AZIN1: variants seen among roughly 807,000 people sequenced by gnomAD.
The protein encoded by AZIN1 is antizyme inhibitor 1, also known as ornithine decarboxylase antizyme inhibitor.
Under a neutral mutation model 47.4 loss-of-function variants are expected in AZIN1, and 12 were observed. That is an observed-to-expected ratio of 0.25 (90% CI 0.16 to 0.41). The LOEUF is 0.41. Ranked by LOEUF, AZIN1 falls within the 10% of genes least tolerant of loss-of-function variation. The probability of loss-of-function intolerance (pLI) is 1.00; values close to 1 mark genes in which losing one functional copy is unlikely to be tolerated. For synonymous variants in AZIN1, 155 were observed against 176.3 expected (o/e 0.88, Z 0.96); for missense variants, 410 against 532.4 (o/e 0.77, Z 2.26).
chr8:102,837,851 A>C (rs1811919300), intron 5 of AZIN1, among the ~76,000 whole-genome samples: 1 of 152,256 alleles, frequency 6.6e-6, no homozygotes, highest in Non-Finnish European at 1.5e-5. Context: ...TGCATAATTC[A>C]ATATGCTTTT....
chr8:102,833,006 A>G, intron 9 of AZIN1, 50 bp downstream of exon 9: 2 of 1,480,496 alleles, frequency 1.4e-6, no homozygotes, highest in Non-Finnish European at 1.9e-6. Flanking sequence ...TTTCCAGACT[A>G]ACTGCAATTA....
At chr8:102,838,993 C>G in intron 4 of AZIN1, 77 bp from the exon 5 acceptor site, 1 of 1,297,492 alleles carries the variant, frequency 7.7e-7, no homozygotes, top group South Asian at 1.5e-5. Flanking sequence ...AATACTATTA[C>G]CCCCACCCCT....
At chr8:102,832,881 C>T (rs191380289) in intron 9 of AZIN1, among the ~76,000 whole-genome samples, 175 bp downstream of exon 9, 31 of 152,240 alleles carry the variant, frequency 2.0e-4, no homozygotes, top group Middle Eastern at 3.4e-3. Flanking sequence ...ACCTTGTGAT[C>T]CACCTGGCTC....
Position 102,828,438 on chromosome 8 carries a change from T to C in AZIN1, c.*129A>G, listed in dbSNP as rs1811224166. Reference sequence around the variant, plus strand: ...CTGATTTTGTCTGGTCCCAAATAGCTATTACTAATAGTTTTTGTTGCCAAA... The same window carrying C: ...CTGATTTTGTCTGGTCCCAAATAGCCATTACTAATAGTTTTTGTTGCCAAA... On this transcript the variant is annotated 3_prime_UTR_variant, in exon 12 of 12. Coordinates refer to ENST00000337198, the MANE Select transcript of AZIN1 (RefSeq NM_148174.4). 2 of 565,746 alleles carry C rather than the reference T, an allele frequency of 3.5e-6. No individual in the cohort carries two copies. Among genetic ancestry groups the C allele is most frequent in the Non-Finnish European group, 6.2e-6 (2 of 323,378 alleles). 35.0% of individuals were successfully genotyped at this position (565,746 alleles called of 1,614,324 possible). A position where few individuals can be genotyped will look rare whatever the true frequency, so the allele number is the denominator to read the frequency against.
intron 1 of AZIN1, among the ~76,000 whole-genome samples, chr8:102,862,668 T>C (rs1813760860): frequency 6.6e-6 from 1 of 152,236 alleles, no homozygotes; most frequent in African/African-American, 2.4e-5. Context: ...TACATCAACC[T>C]TCGCTGAGCA....
chr8:102,852,631 G>A (rs1244622587), intron 2 of AZIN1, among the ~76,000 whole-genome samples: 1 of 152,128 alleles, frequency 6.6e-6, no homozygotes, highest in Non-Finnish European at 1.5e-5. Flanking sequence ...GTGGTGGCAT[G>A]CACAACGTGG....
At chr8:102,853,557 A>T (rs890337715) in intron 2 of AZIN1, among the ~76,000 whole-genome samples, 5 of 151,954 alleles carry the variant, frequency 3.3e-5, no homozygotes, top group Admixed American at 3.3e-4. Context: ...TGACCTTCCT[A>T]AAAAAAATGC....
At chr8:102,834,125 C>G (rs1300734449) in intron 8 of AZIN1, 64 bp downstream of exon 8, 3 of 1,327,890 alleles carry the variant, frequency 2.3e-6, no homozygotes, top group Admixed American at 3.5e-5. Flanking sequence ...CTGCTCTACA[C>G]ATCCACCACT....
rs748259384 is a variant in AZIN1 at position 102,839,845 on chromosome 8, AG to A, written c.103-23del. The A allele has an allele frequency of 5.5e-5, 76 of 1,389,290 alleles. No individual in the cohort carries two copies. In the Middle Eastern group the frequency reaches 1.1e-3, roughly 21 times the overall value. 86.1% of individuals were successfully genotyped at this position (1,389,290 alleles called of 1,614,324 possible). A position where few individuals can be genotyped will look rare whatever the true frequency, so the allele number is the denominator to read the frequency against. On this transcript the variant is annotated intron_variant, in intron 3 of 11. Coordinates refer to ENST00000337198, the MANE Select transcript of AZIN1 (RefSeq NM_148174.4). ...CTGTCTATTATGGTTATAAAAAAAA[AG>A]ACAAATATGAACAAAAAACCATTGA...
In AZIN1 at chr8:102,828,639, CATT is replaced by C. The variant is rs753348546; in HGVS notation, c.1272_1274del (p.Met426del). 5.9e-5 allele frequency: 95 copies of C among 1,611,456 alleles called. No homozygotes were observed. The highest frequency in any genetic ancestry group is 4.0e-4 in the South Asian group (36 of 90,940). ...AAGGCACAAAGAAGAAGTTCTTCAT[CATT>C]GAGTCTGAAGTAATTCCAGCATCTT... is the stretch of plus-strand genomic sequence containing the variant. On this transcript the variant is annotated inframe_deletion, in exon 12 of 12. Coordinates refer to ENST00000337198, the MANE Select transcript of AZIN1 (RefSeq NM_148174.4).
intron 2 of AZIN1, among the ~76,000 whole-genome samples, chr8:102,847,117 TTC>T (rs954941171): frequency 6.6e-6 from 1 of 152,198 alleles, no homozygotes; most frequent in Non-Finnish European, 1.5e-5. Context: ...GACAAAATCA[TTC>T]TGTTGCAAAA....
chr8:102,841,801 T>TAA (rs200248209), intron 3 of AZIN1, among the ~76,000 whole-genome samples: 1,158 of 114,802 alleles, frequency 0.01, 18 homozygotes, highest in South Asian at 0.046. Flanking sequence ...AATATATATA[T>TAA]ATATAAAAAA....
intron 5 of AZIN1, among the ~76,000 whole-genome samples, chr8:102,837,166 C>T (rs112991246): frequency 1.3e-3 from 201 of 152,268 alleles, no homozygotes; most frequent in African/African-American, 4.6e-3. Flanking sequence ...GTGATCCACC[C>T]GCCTCGGCCT....
rs536628225 is a variant in AZIN1, at chr8:102,835,704, A to C, written c.584+552T>G. Among the ~76,000 whole-genome samples the C allele has an allele frequency of 2.0e-3, 301 of 152,362 alleles. 1 individual carries two copies. The highest frequency in any genetic ancestry group is 6.9e-3 in the African/African-American group (289 of 41,594). ...ACAATACATCTTTGTGAGTGTTTGA[A>C]AAAGCAAGACCTTTTTACTTTAGTA... On this transcript the variant is annotated intron_variant, in intron 6 of 11. Transcript: ENST00000337198.
chr8:102,833,260 T>C, intron 8 of AZIN1, 42 bp from the exon 9 acceptor site: 1 of 1,556,258 alleles, frequency 6.4e-7, no homozygotes, highest in Non-Finnish European at 8.7e-7. Context: ...AATATTGGAT[T>C]AGATAATTCG....
At chr8:102,855,383 C>G (rs1281061471) in intron 2 of AZIN1, 1 of 152,086 alleles carries the variant, frequency 6.6e-6, no homozygotes, top group African/African-American at 2.4e-5. Flanking sequence ...AAAAGGCTCA[C>G]AAAAACTTTT....
intron 2 of AZIN1, among the ~76,000 whole-genome samples, chr8:102,851,817 T>C (rs1052965306): frequency 6.6e-6 from 1 of 152,236 alleles, no homozygotes; most frequent in Non-Finnish European, 1.5e-5. Flanking sequence ...GGTTTTATTC[T>C]TCTATGTGAC....
At chr8:102,860,602 GC>G (rs1813583788) in intron 1 of AZIN1, among the ~76,000 whole-genome samples, 1 of 151,948 alleles carries the variant, frequency 6.6e-6, no homozygotes, top group Non-Finnish European at 1.5e-5. Context: ...ATTCAAGCTG[GC>G]CTTGAATTCC....
intron 2 of AZIN1, among the ~76,000 whole-genome samples, chr8:102,846,521 A>G (rs770989598): frequency 6.6e-6 from 1 of 152,304 alleles, no homozygotes; most frequent in Admixed American, 6.5e-5. Flanking sequence ...ATCTCCATTG[A>G]TATACTGAGG....
Sources: gnomAD v4.1 joint callset for allele counts (sites outside exome capture counted in the v4.1 genomes callset) on GRCh38, gnomAD v4.1.1 for gene constraint, MANE v1.5 for transcripts, NCBI Gene and HGNC (gene_info 2026-07-23, HGNC 2026-07-21) for gene names.